INTS2: variants seen among roughly 807,000 people sequenced by gnomAD.
The protein encoded by INTS2 is KIAA1287.
Under a neutral mutation model 139.6 loss-of-function variants are expected in INTS2, and 57 were observed. That is an observed-to-expected ratio of 0.41 (90% CI 0.33 to 0.51). INTS2 has a LOEUF of 0.51. Among genes scored for constraint, INTS2 ranks in the 20% least tolerant of loss-of-function variants. The pLI, the probability that INTS2 is intolerant of heterozygous loss-of-function variation, is 0.28. For synonymous variants in INTS2, 473 were observed against 493.4 expected (o/e 0.96, Z 0.55); for missense variants, 1,196 against 1,436.7 (o/e 0.83, Z 2.71).
At chr17:61,889,257 T>C (rs1056435027) in intron 15 of INTS2, among the ~76,000 whole-genome samples, 1 of 151,200 alleles carries the variant, frequency 6.6e-6, no homozygotes, top group Non-Finnish European at 1.5e-5. Flanking sequence ...TGGCTAATTT[T>C]TGTATTTTTA....
chr17:61,876,207 C>A lies in INTS2; in HGVS notation c.2457-1169G>T, dbSNP rs913975804. ...AAAAAATAATTTTTTAAAAAATGAA[C>A]TAGAATTCCACACTTAGGCTAAATA... On this transcript the variant is annotated intron_variant, in intron 18 of 24. Transcript: ENST00000251334. This position sits in a 1 kb window ranked among gnomAD's most constrained non-coding sequence, Gnocchi z 4.1. Among the ~76,000 whole-genome samples, 1 of 152,058 alleles carries A rather than the reference C, an allele frequency of 6.6e-6. No individual in the cohort carries two copies. Among genetic ancestry groups the A allele is most frequent in the East Asian group, 1.9e-4 (1 of 5,186 alleles).
Position 61,865,667 on chromosome 17 carries a change from G to A in INTS2, c.*1890C>T, listed in dbSNP as rs1227754967. On this transcript the variant is annotated 3_prime_UTR_variant, in exon 25 of 25. Transcript: ENST00000251334. This position sits in a 1 kb window ranked among gnomAD's most constrained non-coding sequence, Gnocchi z 4.8. ...ACTTTTAACTTTTTCTGAACTCCTA[G>A]GGCATATCTATTCACACAAAATATC... 1 of 151,732 alleles carries A rather than the reference G, an allele frequency of 6.6e-6. No individual in the cohort carries two copies. 9.4% of individuals were successfully genotyped at this position (151,732 alleles called of 1,614,324 possible).
At position 61,869,256 on chromosome 17, in the gene INTS2, T is replaced by G. The variant is rs1285348817; in HGVS notation, c.3138+17A>C. 6.4e-7 allele frequency: 1 copy of G among 1,558,266 alleles called. No homozygotes were observed. Among genetic ancestry groups the G allele is most frequent in the Admixed American group, 1.7e-5 (1 of 57,450 alleles). On this transcript the variant is annotated intron_variant, in intron 22 of 24. Transcript: ENST00000251334. The surrounding 1 kb of genome is among the most constrained non-coding windows in gnomAD (Gnocchi z 5.4). ...AGAGAGAGATCAATTGTCCTAAAGC[T>G]CCAAAATGCTCATTACCTGTTTCTC...
intron 5 of INTS2, among the ~76,000 whole-genome samples, chr17:61,915,816 T>TA (rs1193639396): frequency 0.46 from 29,284 of 63,904 alleles, 8,275 homozygotes; most frequent in Non-Finnish European, 0.62. Context: ...AGACTCTGTC[T>TA]AAAAAAAAAA....
chr17:61,920,620 A>G (rs2079630952), intron 4 of INTS2, among the ~76,000 whole-genome samples: 1 of 150,798 alleles, frequency 6.6e-6, no homozygotes, highest in Non-Finnish European at 1.5e-5. Flanking sequence ...CCTGGCCAAC[A>G]TGGTGAAACC....
At chr17:61,922,511 C>CATAT (rs60100593) in intron 3 of INTS2, among the ~76,000 whole-genome samples, 2,600 of 72,496 alleles carry the variant, frequency 0.036, 131 homozygotes, top group African/African-American at 0.045. Flanking sequence ...AACAAACAAA[C>CATAT]ATATATATAT....
At position 61,878,023 on chromosome 17, in the gene INTS2, A is replaced by C. The variant is rs1195694166; in HGVS notation, c.2320T>G (p.Ser774Ala). ...MQIIEHLTLL[S>A]ASELIPYAEV... ...GCATATGGTATAAGTTCACTGGCAGAGAGTAGAGTCAAGTGTTCTATAATC... is the reference window on the plus strand; with the variant it reads ...GCATATGGTATAAGTTCACTGGCAGCGAGTAGAGTCAAGTGTTCTATAATC... Residue 774 changes from serine to alanine, a missense_variant, in exon 18 of 25, where the codon TCT becomes GCT. This residue lies in a region of INTS2 where 1,129 missense variants were observed against 1,341.9 expected (regional missense o/e 0.84). Coordinates refer to ENST00000251334, the MANE Select transcript of INTS2 (RefSeq NM_001351695.2). 1 of 1,612,742 alleles carries C rather than the reference A, an allele frequency of 6.2e-7. No individual in the cohort carries two copies. The highest frequency in any genetic ancestry group is 1.3e-5 in the African/African-American group (1 of 74,918).
chr17:61,924,556 T>A (rs193251818), intron 3 of INTS2, among the ~76,000 whole-genome samples: 1 of 152,174 alleles, frequency 6.6e-6, no homozygotes, highest in African/African-American at 2.4e-5. Flanking sequence ...CGGTGACCCA[T>A]GCCTGTAATC....
chr17:61,885,478 G>A (rs892314262), intron 15 of INTS2, among the ~76,000 whole-genome samples: 5 of 149,052 alleles, frequency 3.4e-5, no homozygotes, highest in African/African-American at 1.3e-4. Flanking sequence ...GCAGTGGCAC[G>A]ATCTCAGCTC....
rs2079366071 is a variant in INTS2, at chr17:61,897,972, C to G, written c.1308-233G>C. 6.6e-6 allele frequency among the ~76,000 whole-genome samples: 1 copy of G among 152,094 alleles called. No individual in the cohort carries two copies. The highest frequency in any genetic ancestry group is 1.5e-5 in the Non-Finnish European group (1 of 68,030). Reference sequence around the variant, plus strand: ...TTTTTCATGGATCCCCTCTCAAAGTCTTAGTTACTGCCTTCACAGGTTGGA... The same window carrying G: ...TTTTTCATGGATCCCCTCTCAAAGTGTTAGTTACTGCCTTCACAGGTTGGA... On this transcript the variant is annotated intron_variant, in intron 9 of 24. Transcript: ENST00000251334. The surrounding 1 kb of genome is among the most constrained non-coding windows in gnomAD (Gnocchi z 4.4).
intron 9 of INTS2, among the ~76,000 whole-genome samples, chr17:61,900,116 C>T (rs1366172352): frequency 6.6e-6 from 1 of 152,046 alleles, no homozygotes; most frequent in African/African-American, 2.4e-5. Flanking sequence ...ATACTGGAAG[C>T]TAGAGAATAT....
At position 61,878,000 on chromosome 17, in the gene INTS2, A is replaced by G. The variant is rs1029341709; in HGVS notation, c.2343T>C (p.Tyr781=). ...TCATATTGGATGTTAACACTTCCGC[A>G]TATGGTATAAGTTCACTGGCAGAGA... ...TLLSASELIP[Y]AEVLTSNMSQ... Residue 781 remains tyrosine, a synonymous_variant, in exon 18 of 25, where the codon TAT becomes TAC. Coordinates refer to ENST00000251334, the MANE Select transcript of INTS2 (RefSeq NM_001351695.2). 2 of 1,612,070 alleles carry G rather than the reference A, an allele frequency of 1.2e-6. No individual in the cohort carries two copies. The highest frequency in any genetic ancestry group is 1.7e-5 in the Admixed American group (1 of 60,000).
chr17:61,888,821 A>G (rs832847), intron 15 of INTS2, among the ~76,000 whole-genome samples: 151,604 of 152,200 alleles, frequency 1, 75,506 homozygotes, highest in Middle Eastern at 1. Context: ...TTAGGAGATG[A>G]AGACCATCCT....
rs888713182 is a variant in INTS2, at chr17:61,865,504, TAATA to T, written c.*2049_*2052del. 2.0e-5 allele frequency: 3 copies of T among 152,682 alleles called. No individual in the cohort carries two copies. Among genetic ancestry groups the T allele is most frequent in the African/African-American group, 7.2e-5 (3 of 41,464 alleles). The allele number at this position is 152,682 out of a possible 1,614,324, so 9.5% of individuals were successfully genotyped here. A position where few individuals can be genotyped will look rare whatever the true frequency, so the allele number is the denominator to read the frequency against. ...AAAATACATGAATATTAACATTTAC[TAATA>T]TATTTACACATTTTATTTACATCAT... On this transcript the variant is annotated 3_prime_UTR_variant, in exon 25 of 25. Transcript: ENST00000251334. The surrounding 1 kb of genome is among the most constrained non-coding windows in gnomAD (Gnocchi z 4.8).
Position 61,872,329 on chromosome 17 carries a change from A to G in INTS2, c.2714T>C (p.Val905Ala). Residue 905 changes from valine to alanine, a missense_variant, in exon 20 of 25, where the codon GTT becomes GCT. Physicochemically the swap from Val to Ala is moderately conservative, Grantham distance 64. Transcript: ENST00000251334. This position sits in a 1 kb window ranked among gnomAD's most constrained non-coding sequence, Gnocchi z 4.8. ...RPSQNNTIGL[V>A]GQTDAPEVTR... ...AACTTCCGGAGCATCAGTTTGTCCA[A>G]CTAAACCAATTGTATTATTCTGGGA... 1.9e-6 allele frequency: 3 copies of G among 1,613,320 alleles called. No homozygotes were observed. The highest frequency in any genetic ancestry group is 1.1e-5 in the South Asian group (1 of 91,000).
Position 61,895,348 on chromosome 17 carries a change from C to T in INTS2, c.1530G>A (p.Lys510=), listed in dbSNP as rs2079336557. ...TAAAAATTTCCTGTGTGAAGATTGT[C>T]TTCATCCTGCTCAAGGAGCTTGGCT... ...VIKPSSLSRM[K]TIFTQEIFTE... is the part of the protein sequence containing the mutation. The change falls in exon 12 of 25, where the codon AAG becomes AAA. Residue 510 remains lysine (K), a synonymous_variant. Transcript: ENST00000251334. 1 of 1,584,580 alleles carries T rather than the reference C, an allele frequency of 6.3e-7. No individual in the cohort carries two copies. The highest frequency in any genetic ancestry group is 8.5e-7 in the Non-Finnish European group (1 of 1,169,690).
Position 61,927,979 on chromosome 17 carries a change from G to A in INTS2, c.-344C>T, listed in dbSNP as rs1219108926. On this transcript the variant is annotated 5_prime_UTR_variant, in exon 1 of 25. Coordinates refer to ENST00000251334, the MANE Select transcript of INTS2 (RefSeq NM_001351695.2). Reference sequence around the variant, plus strand: ...CTGACTCCCGTCGGCCACCGTACTGGTCTGAGAGGAAGGGTGGCTGCGAGA... The same window carrying A: ...CTGACTCCCGTCGGCCACCGTACTGATCTGAGAGGAAGGGTGGCTGCGAGA... 1.2e-6 allele frequency: 2 copies of A among 1,612,388 alleles called. No individual in the cohort carries two copies. The highest frequency in any genetic ancestry group is 2.2e-5 in the East Asian group (1 of 44,874).
chr17:61,881,171 C>T lies in INTS2; in HGVS notation c.2090G>A (p.Gly697Glu), dbSNP rs199699285. The change falls in exon 17 of 25, where the codon GGG becomes GAG. Residue 697 changes from glycine to glutamate, a missense_variant and splice_region_variant. By Grantham distance (98) the Gly-to-Glu change is moderately conservative. Coordinates refer to ENST00000251334, the MANE Select transcript of INTS2 (RefSeq NM_001351695.2). ...GAGACGTAGTAAAGCTGAATGCAAC[C>T]CTTGAAAATTTACAGAAAATCAATT... ...QAQGLQQELG[G>E]LHSALLRLLA... 1.7e-5 allele frequency: 27 copies of T among 1,606,500 alleles called. No homozygotes were observed. The highest frequency in any genetic ancestry group is 2.3e-5 in the Non-Finnish European group (27 of 1,176,438).
intron 17 of INTS2, among the ~76,000 whole-genome samples, chr17:61,879,158 G>T (rs375530754): frequency 7.9e-6 from 1 of 127,104 alleles, no homozygotes; most frequent in African/African-American, 3.0e-5. Flanking sequence ...GGCCTCAAGT[G>T]ATCCTCCTGC....
Sources: gnomAD v4.1 joint callset for allele counts (sites outside exome capture counted in the v4.1 genomes callset) on GRCh38, gnomAD v4.1.1 for gene constraint, gnomAD v4.1.1 regional missense constraint, Gnocchi (gnomAD v3.1) non-coding constraint, MANE v1.5 for transcripts, NCBI Gene and HGNC (gene_info 2026-07-23, HGNC 2026-07-21) for gene names.